PHIP: variants seen among roughly 807,000 people sequenced by gnomAD.
The protein encoded by PHIP is PHIP subunit of CUL4-Ring ligase complex, also known as PH-interacting protein.
Under a neutral mutation model 236.8 loss-of-function variants are expected in PHIP, and 54 were observed. The observed-to-expected ratio is 0.23, with a 90% CI of 0.18 to 0.29. PHIP has a LOEUF of 0.29. Ranked by LOEUF, PHIP falls within the 10% of genes least tolerant of loss-of-function variation. PHIP has a pLI of 1.00. For missense variants in PHIP, 1,370 were observed against 2,190.8 expected, an observed-to-expected ratio of 0.63 and a Z score of 7.48; for synonymous variants, 756 against 718.9, an observed-to-expected ratio of 1.05 and a Z score of -0.83.
chr6:79,033,603 A>AG (rs1771777694), intron 7 of PHIP, among the ~76,000 whole-genome samples: 1 of 152,180 alleles, frequency 6.6e-6, no homozygotes, highest in South Asian at 2.1e-4. Context: ...ATTAAGAGTC[A>AG]GGGTCTTGCT....
In PHIP at chr6:78,963,399, T is replaced by G. The variant is rs1766919252; in HGVS notation, c.3380-147A>C. On this transcript the variant is annotated intron_variant, in intron 29 of 39. Coordinates refer to ENST00000275034, the MANE Select transcript of PHIP (RefSeq NM_017934.7). ...CTCTTTATTTTAACAAAGGAAAGTA[T>G]GTTTTAAGGGTCACTAAAATTTAAA... 5 of 546,052 alleles carry G rather than the reference T, an allele frequency of 9.2e-6. No homozygotes were observed. The South Asian group carries it at 1.6e-4, about 17-fold the overall frequency. The allele number at this position is 546,052 out of a possible 1,614,324, so 33.8% of individuals were successfully genotyped here.
intron 33 of PHIP, 117 bp downstream of exon 33, chr6:78,955,496 A>AG (rs1582101939): frequency 7.3e-6 from 4 of 547,622 alleles, no homozygotes; most frequent in South Asian, 6.2e-5. Context: ...TTTTTTTTAA[A>AG]TTAACTACAC....
chr6:78,985,987 T>C (rs956414741), intron 21 of PHIP, among the ~76,000 whole-genome samples: 2 of 152,184 alleles, frequency 1.3e-5, no homozygotes, highest in Non-Finnish European at 2.9e-5. Context: ...CAGATTACCA[T>C]TGTAAAAGCC....
intron 15 of PHIP, among the ~76,000 whole-genome samples, chr6:79,008,539 G>T (rs1770417098): frequency 1.3e-5 from 2 of 151,788 alleles, no homozygotes; most frequent in South Asian, 2.1e-4. Context: ...TTTTCTTTTG[G>T]TCTTTTTGGC....
chr6:79,067,179 G>A (rs1168187615), intron 4 of PHIP, among the ~76,000 whole-genome samples: 1 of 152,152 alleles, frequency 6.6e-6, no homozygotes, highest in Non-Finnish European at 1.5e-5. Context: ...GAGCCACCAT[G>A]CCTAGCTCTC....
At chr6:78,949,666 T>A (rs1774029875) in intron 35 of PHIP, among the ~76,000 whole-genome samples, 1 of 152,060 alleles carries the variant, frequency 6.6e-6, no homozygotes, top group Non-Finnish European at 1.5e-5. Flanking sequence ...AAGCCCCGAC[T>A]TTTCTGGGAC....
At position 78,988,138 on chromosome 6, in the gene PHIP, G is replaced by A. The variant is rs12529043; in HGVS notation, c.2460+71C>T. 48,793 of 1,114,744 alleles carry A rather than the reference G, an allele frequency of 0.044. 1,257 individuals are homozygous for A. Among genetic ancestry groups the A allele is most frequent in the Admixed American group, 0.087 (3,289 of 37,816 alleles). The allele number at this position is 1,114,744 out of a possible 1,614,324, so 69.1% of individuals were successfully genotyped here. A position where few individuals can be genotyped will look rare whatever the true frequency, so the allele number is the denominator to read the frequency against. The stretch of plus-strand genomic sequence containing the variant: ...CATCTACAAACATATCAATAAATGC[G>A]AAGAATGAAACTCATATTTAAAAAA... On this transcript the variant is annotated intron_variant, in intron 21 of 39. Coordinates refer to ENST00000275034, the MANE Select transcript of PHIP (RefSeq NM_017934.7).
Position 79,078,222 on chromosome 6 carries a change from G to GGAGGAGGAA in PHIP, c.-163_-155dup. ...CAACGGCGGCGGAGGCGGAGGAGGA[G>GGAGGAGGAA]GAGGAGGAAACAACAACTCTCAGGC... is the stretch of plus-strand genomic sequence containing the variant. On this transcript the variant is annotated 5_prime_UTR_variant, in exon 1 of 40. Coordinates refer to ENST00000275034, the MANE Select transcript of PHIP (RefSeq NM_017934.7). The GGAGGAGGAA allele has an allele frequency of 1.5e-6, 1 of 676,308 alleles. No individual in the cohort carries two copies. The highest frequency in any genetic ancestry group is 1.9e-5 in the South Asian group (1 of 53,500). 41.9% of individuals were successfully genotyped at this position (676,308 alleles called of 1,614,324 possible). A position where few individuals can be genotyped will look rare whatever the true frequency, so the allele number is the denominator to read the frequency against.
chr6:78,973,040 C>T (rs1767720936), intron 24 of PHIP, among the ~76,000 whole-genome samples: 1 of 152,110 alleles, frequency 6.6e-6, no homozygotes, highest in Non-Finnish European at 1.5e-5. Context: ...CATAAAGATA[C>T]TCCTCGAGAA....
chr6:79,077,552 C>A, intron 3 of PHIP, 45 bp from the exon 4 acceptor site: 1 of 1,217,424 alleles, frequency 8.2e-7, no homozygotes, highest in Non-Finnish European at 1.1e-6. Flanking sequence ...CGGCCCCTAC[C>A]CGCCCGCTCC....
chr6:78,952,512 T>C (rs1766109540), intron 35 of PHIP, among the ~76,000 whole-genome samples: 1 of 151,944 alleles, frequency 6.6e-6, no homozygotes, highest in Non-Finnish European at 1.5e-5. Context: ...ATTCTGTCTA[T>C]TCTCTTCCAC....
At chr6:78,955,717 G>T in intron 32 of PHIP, 35 bp from the exon 33 acceptor site, 1 of 703,016 alleles carries the variant, frequency 1.4e-6, no homozygotes. Context: ...TGTAAGATTA[G>T]AACCATGATA....
intron 1 of PHIP, 24 bp downstream of exon 1, chr6:79,078,005 G>T (rs770804224): frequency 3.7e-6 from 6 of 1,607,560 alleles, no homozygotes; most frequent in Admixed American, 3.3e-5. Flanking sequence ...CGGTGCCAGC[G>T]GCCCCGGCAG....
chr6:78,953,650 G>A (rs1231886024), intron 35 of PHIP, among the ~76,000 whole-genome samples: 1 of 152,044 alleles, frequency 6.6e-6, no homozygotes, highest in African/African-American at 2.4e-5. Flanking sequence ...TATGTTTCTG[G>A]CATTTTAAAT....
At chr6:79,035,427 G>A (rs1771881310) in intron 7 of PHIP, among the ~76,000 whole-genome samples, 1 of 152,122 alleles carries the variant, frequency 6.6e-6, no homozygotes, top group African/African-American at 2.4e-5. Context: ...CAGATAACTT[G>A]AGAAACCTTA....
chr6:78,961,578 T>C (rs1313723568), intron 31 of PHIP, 112 bp downstream of exon 31: 1 of 967,086 alleles, frequency 1.0e-6, no homozygotes, highest in African/African-American at 1.7e-5. Context: ...ATCCCCATAA[T>C]CTTATGTGCA....
chr6:78,981,824 T>C (rs1449098472), intron 23 of PHIP, among the ~76,000 whole-genome samples: 1 of 151,900 alleles, frequency 6.6e-6, no homozygotes, highest in South Asian at 2.1e-4. Flanking sequence ...ACTGACAAGG[T>C]AGAAAAGAAA....
At chr6:78,975,795 T>TA (rs1212190875) in intron 24 of PHIP, among the ~76,000 whole-genome samples, 1 of 150,910 alleles carries the variant, frequency 6.6e-6, no homozygotes, top group African/African-American at 2.4e-5. Flanking sequence ...GAGAATAAAA[T>TA]ACCTAGGAAT....
chr6:78,973,810 C>T (rs1245613943), intron 24 of PHIP, among the ~76,000 whole-genome samples: 1 of 151,814 alleles, frequency 6.6e-6, no homozygotes, highest in Admixed American at 6.6e-5. Context: ...GGGGTCAATT[C>T]AACAAGAAGA....
Sources: allele counts gnomAD v4.1 joint callset (sites outside exome capture counted in the v4.1 genomes callset), GRCh38; gene constraint gnomAD v4.1.1; transcripts MANE v1.5; gene names NCBI Gene and HGNC (gene_info 2026-07-23, HGNC 2026-07-21).